The following RSPO2 variants were observed in gnomAD, a reference collection of about 807,000 sequenced individuals.
RSPO2 encodes the protein R-spondin-2.
In RSPO2, 14 loss-of-function variants were observed where a neutral mutation model predicts 30.9. That is an observed-to-expected ratio of 0.45 (90% confidence interval 0.30 to 0.71). The LOEUF (loss-of-function observed/expected upper bound fraction) is 0.71, where lower values mean the gene tolerates loss of function less well. Among genes scored for constraint, RSPO2 ranks in the 30% least tolerant of loss-of-function variants. RSPO2 has a pLI of 0.08. For missense variants in RSPO2, 264 were observed against 301.9 expected (o/e 0.87, Z 0.93); for synonymous variants, 107 against 96.4 (o/e 1.11, Z -0.64).
rs148075578 is a variant in RSPO2 at position 107,964,807 on chromosome 8, A to T, written c.284-3990T>A. Among the ~76,000 whole-genome samples the T allele has an allele frequency of 3.8e-3, 573 of 152,302 alleles. 3 individuals carry two copies. The highest frequency in any genetic ancestry group is 0.013 in the African/African-American group (553 of 41,568). Reference sequence around the variant, plus strand: ...AGCATTTTACCCTTCACTGGGATTCATATCAACTCTATTAACTCATTTTTA... The same window carrying T: ...AGCATTTTACCCTTCACTGGGATTCTTATCAACTCTATTAACTCATTTTTA... On this transcript the variant is annotated intron_variant, in intron 3 of 5. Coordinates refer to ENST00000276659, the MANE Select transcript of RSPO2 (RefSeq NM_178565.5).
chr8:108,007,153 T>G (rs554937273), intron 2 of RSPO2, among the ~76,000 whole-genome samples: 3 of 152,304 alleles, frequency 2.0e-5, no homozygotes, highest in Admixed American at 6.5e-5. Flanking sequence ...TACATTGCAT[T>G]CGGTTTAGTC....
chr8:107,905,992 A>G (rs1371019122), intron 5 of RSPO2, among the ~76,000 whole-genome samples: 1 of 152,004 alleles, frequency 6.6e-6, no homozygotes, highest in African/African-American at 2.4e-5. Flanking sequence ...AAAACCTCCA[A>G]ATAAGATGAG....
At chr8:107,985,095 A>T (rs1016828962) in intron 3 of RSPO2, among the ~76,000 whole-genome samples, 6 of 152,164 alleles carry the variant, frequency 3.9e-5, no homozygotes, top group Non-Finnish European at 8.8e-5. Flanking sequence ...TCAAGTGACA[A>T]ATATGTGTTC....
intron 5 of RSPO2, among the ~76,000 whole-genome samples, chr8:107,944,349 A>G (rs1455933652): frequency 6.6e-6 from 1 of 152,198 alleles, no homozygotes; most frequent in East Asian, 1.9e-4. Flanking sequence ...TCCACCTTAT[A>G]CTATATTTAA....
chr8:108,052,892 T>C (rs1170070254), intron 2 of RSPO2, among the ~76,000 whole-genome samples: 1 of 151,940 alleles, frequency 6.6e-6, no homozygotes, highest in East Asian at 1.9e-4. Context: ...CTTGGGATCA[T>C]ATAGTCCAAA....
At chr8:108,059,794 T>A (rs1212408174) in intron 2 of RSPO2, among the ~76,000 whole-genome samples, 2 of 141,342 alleles carry the variant, frequency 1.4e-5, no homozygotes, top group African/African-American at 5.3e-5. Context: ...TAGGTGGGAA[T>A]TGAACAATGA....
chr8:107,926,892 T>G (rs1812394845), intron 5 of RSPO2, among the ~76,000 whole-genome samples: 1 of 152,160 alleles, frequency 6.6e-6, no homozygotes, highest in Admixed American at 6.5e-5. Flanking sequence ...CTTTTTTGGT[T>G]CCATATGAAC....
chr8:108,034,360 T>C (rs1442488743), intron 2 of RSPO2, among the ~76,000 whole-genome samples: 1 of 152,174 alleles, frequency 6.6e-6, no homozygotes, highest in African/African-American at 2.4e-5. Flanking sequence ...TTACGGTGGG[T>C]ATTCAGTGAC....
At chr8:107,912,698 T>C (rs1381489916) in intron 5 of RSPO2, among the ~76,000 whole-genome samples, 1 of 152,124 alleles carries the variant, frequency 6.6e-6, no homozygotes, top group Non-Finnish European at 1.5e-5. Flanking sequence ...ATAATCAAGT[T>C]TGGGGCTTCT....
intron 2 of RSPO2, among the ~76,000 whole-genome samples, chr8:108,001,006 AAAATAAAAAT>A (rs1815226328): frequency 6.6e-6 from 1 of 150,892 alleles, no homozygotes; most frequent in African/African-American, 2.4e-5. Flanking sequence ...CTGTCTTAAA[AAAATAAAAAT>A]AAATAAAAAT....
intron 5 of RSPO2, among the ~76,000 whole-genome samples, chr8:107,944,448 A>G (rs1228533472): frequency 1.3e-5 from 2 of 152,212 alleles, no homozygotes; most frequent in Non-Finnish European, 2.9e-5. Context: ...TGCAGAGTCC[A>G]CCAAAAATAG....
rs1037541838 is a variant in RSPO2 at position 108,059,673 on chromosome 8, TAA to T, written c.94+22870_94+22871del. Among the ~76,000 whole-genome samples the T allele has an allele frequency of 2.0e-5, 3 of 147,418 alleles. 1 individual carries two copies. Among genetic ancestry groups the T allele is most frequent in the African/African-American group, 7.8e-5 (3 of 38,566 alleles). Reference sequence around the variant, plus strand: ...TACACCATGGAATACTATGCAGCCATAAAAAAAGATGAGTTCATGTCCTTTGT... The same window carrying T: ...TACACCATGGAATACTATGCAGCCATAAAAAGATGAGTTCATGTCCTTTGT... On this transcript the variant is annotated intron_variant, in intron 2 of 5. Coordinates refer to ENST00000276659, the MANE Select transcript of RSPO2 (RefSeq NM_178565.5).
chr8:107,944,245 G>A (rs559960542), intron 5 of RSPO2, among the ~76,000 whole-genome samples: 12 of 152,244 alleles, frequency 7.9e-5, no homozygotes, highest in Admixed American at 2.6e-4. Flanking sequence ...AAATTTTCTC[G>A]TAGGACTAAG....
intron 2 of RSPO2, among the ~76,000 whole-genome samples, chr8:108,077,083 C>A (rs985655325): frequency 2.0e-5 from 3 of 152,268 alleles, no homozygotes; most frequent in African/African-American, 7.2e-5. Flanking sequence ...AATCTCTGTA[C>A]CTTCCACTCA....
chr8:107,954,659 G>A (rs1563537273), intron 5 of RSPO2, among the ~76,000 whole-genome samples: 1 of 151,808 alleles, frequency 6.6e-6, no homozygotes. Context: ...TCACCAGGCT[G>A]GAGTGCAGTG....
intron 2 of RSPO2, among the ~76,000 whole-genome samples, chr8:108,023,497 C>T (rs1470001248): frequency 2.0e-5 from 3 of 152,010 alleles, no homozygotes; most frequent in South Asian, 2.1e-4. Context: ...CTTTGATTTT[C>T]GATTCAGAGT....
At chr8:107,936,836 G>T (rs559712978) in intron 5 of RSPO2, among the ~76,000 whole-genome samples, 2 of 151,976 alleles carry the variant, frequency 1.3e-5, no homozygotes, top group Admixed American at 6.6e-5. Flanking sequence ...CATGTTCTTT[G>T]TCCATTTTCT....
intron 3 of RSPO2, among the ~76,000 whole-genome samples, chr8:107,984,974 T>G (rs1321579180): frequency 6.6e-6 from 1 of 152,144 alleles, no homozygotes; most frequent in African/African-American, 2.4e-5. Context: ...GAATTTAGAA[T>G]TCTGCATGAT....
At chr8:108,077,359 C>A (rs1386098016) in intron 2 of RSPO2, among the ~76,000 whole-genome samples, 1 of 151,956 alleles carries the variant, frequency 6.6e-6, no homozygotes, top group African/African-American at 2.4e-5. Flanking sequence ...ATTAGAGGAA[C>A]AGCAGCATGC....
Sources: allele counts gnomAD v4.1 joint callset (sites outside exome capture counted in the v4.1 genomes callset), GRCh38; gene constraint gnomAD v4.1.1; transcripts MANE v1.5; gene names NCBI Gene and HGNC (gene_info 2026-07-23, HGNC 2026-07-21).